The following SGSM3 variants were observed in gnomAD, a reference collection of about 807,000 sequenced individuals.
SGSM3 encodes the protein RUN and SH3 containing 3.
In SGSM3, 96 loss-of-function variants were observed where a neutral mutation model predicts 100.5. The ratio of observed to expected loss-of-function variants is 0.96; its 90% CI spans 0.81 to 1.13. The LOEUF is 1.13. Ranked by LOEUF, SGSM3 falls within the 50% of genes most tolerant of loss-of-function variation. The pLI, the probability that SGSM3 is intolerant of heterozygous loss-of-function variation, is 0.00. For synonymous variants in SGSM3, 483 were observed against 422.8 expected, an observed-to-expected ratio of 1.14 and a Z score of -1.75; for missense variants, 1,001 against 1,015.8, an observed-to-expected ratio of 0.99 and a Z score of 0.20.
In SGSM3 at chr22:40,405,843, T is replaced by G. The variant is rs2051411315; in HGVS notation, c.813T>G (p.Ile271Met). 1.9e-6 allele frequency: 3 copies of G among 1,607,066 alleles called. No individual in the cohort carries two copies. Among genetic ancestry groups the G allele is most frequent in the Non-Finnish European group, 1.7e-6 (2 of 1,175,670 alleles). The change falls in exon 8 of 22, where the codon ATT becomes ATG. Residue 271 changes from isoleucine to methionine, a missense_variant and splice_region_variant. Coordinates refer to ENST00000248929, the MANE Select transcript of SGSM3 (RefSeq NM_015705.6). ...RLDKLLQEHD[I>M]ELSLITLHWF... ...ACAAGCTGCTCCAGGAGCATGACAT[T>G]GGTAAGGCGCCCCTGAGCCACTGGC...
chr22:40,374,585 A>G (rs2046227919), intron 1 of SGSM3, among the ~76,000 whole-genome samples: 3 of 152,224 alleles, frequency 2.0e-5, no homozygotes, highest in Admixed American at 1.3e-4. Flanking sequence ...GTGAGCAATA[A>G]ATATCTGTTG....
chr22:40,405,700 A>G lies in SGSM3; in HGVS notation c.670A>G (p.Met224Val), dbSNP rs769690592. 1.8e-5 allele frequency: 29 copies of G among 1,613,586 alleles called. No homozygotes were observed. The highest frequency in any genetic ancestry group is 2.4e-5 in the Non-Finnish European group (28 of 1,179,894). The change falls in exon 8 of 22, where the codon ATG becomes GTG. Residue 224 changes from methionine (M) to valine (V), a missense_variant. Physicochemically the swap from Met to Val is conservative, Grantham distance 21. Transcript: ENST00000248929. The part of the protein sequence containing the change: ...FLEEEDAFWM[M>V]SAIIEDLLPA... ...GGAGGAGGAGGACGCCTTCTGGATG[A>G]TGTCTGCCATCATCGAGGACCTGCT...
At chr22:40,390,498 TTTG>T (rs2049206763) in intron 1 of SGSM3, 1 of 152,226 alleles carries the variant, frequency 6.6e-6, no homozygotes, top group South Asian at 2.1e-4. Context: ...CATCTGGTAT[TTTG>T]TTCTCAAAAC....
In SGSM3 at chr22:40,404,290, G is replaced by A; in HGVS notation, c.201G>A (p.Leu67=). Residue 67 remains leucine, a synonymous_variant, in exon 5 of 22, where the codon CTG becomes CTA. Coordinates refer to ENST00000248929, the MANE Select transcript of SGSM3 (RefSeq NM_015705.6). ...PGSSLLANSP[L]MEDAPQRLRW... is the part of the protein sequence containing the mutation. ...CCAGTCTGCTGGCGAACTCCCCTCT[G>A]ATGGAGGATGCTCCACAGAGGCTGC... is the stretch of plus-strand genomic sequence containing the variant. 1 of 1,539,990 alleles carries A rather than the reference G, an allele frequency of 6.5e-7. No homozygotes were observed. Among genetic ancestry groups the A allele is most frequent in the Non-Finnish European group, 8.8e-7 (1 of 1,142,128 alleles).
At chr22:40,377,825 G>A (rs2046891723) in intron 1 of SGSM3, among the ~76,000 whole-genome samples, 1 of 145,474 alleles carries the variant, frequency 6.9e-6, no homozygotes, top group South Asian at 2.1e-4. Flanking sequence ...CAGCCTGGGT[G>A]ACAGAGCAAG....
At chr22:40,409,229 C>T in intron 19 of SGSM3, 21 bp from the exon 20 acceptor site, 3 of 1,586,042 alleles carry the variant, frequency 1.9e-6, no homozygotes, top group Non-Finnish European at 1.7e-6. Context: ...CCCTGCTCCC[C>T]ACTCCTGGCC....
chr22:40,378,945 T>C (rs1218518349), intron 1 of SGSM3, among the ~76,000 whole-genome samples: 1 of 152,176 alleles, frequency 6.6e-6, no homozygotes, highest in Admixed American at 6.5e-5. Context: ...CTGCTCTTTG[T>C]TTCGGACCTC....
At chr22:40,408,249 GC>G in intron 15 of SGSM3, 27 bp from the exon 16 acceptor site, 1 of 1,611,528 alleles carries the variant, frequency 6.2e-7, no homozygotes, top group Non-Finnish European at 8.5e-7. Context: ...GTCAGGCAGG[GC>G]TTTCTCAGAC....
Position 40,408,449 on chromosome 22 carries a change from C to T in SGSM3, c.1782+20C>T. 1.9e-6 allele frequency: 3 copies of T among 1,612,936 alleles called. No homozygotes were observed. Among genetic ancestry groups the T allele is most frequent in the South Asian group, 2.2e-5 (2 of 91,040 alleles). Reference sequence around the variant, plus strand: ...GAGGAGGTAAGTCAGTGGCTGGGCCCATGACCCCCACCCTGCACCAGCCCT... The same window carrying T: ...GAGGAGGTAAGTCAGTGGCTGGGCCTATGACCCCCACCCTGCACCAGCCCT... On this transcript the variant is annotated intron_variant, in intron 16 of 21. Coordinates refer to ENST00000248929, the MANE Select transcript of SGSM3 (RefSeq NM_015705.6).
chr22:40,375,274 C>G (rs542933649), intron 1 of SGSM3, among the ~76,000 whole-genome samples: 1 of 152,228 alleles, frequency 6.6e-6, no homozygotes, highest in East Asian at 1.9e-4. Context: ...ACAAGAGTAA[C>G]TGATATCAGA....
chr22:40,389,980 T>C (rs2049137943), intron 1 of SGSM3, among the ~76,000 whole-genome samples: 1 of 150,698 alleles, frequency 6.6e-6, no homozygotes, highest in African/African-American at 2.4e-5. Context: ...CTGTGCTAGA[T>C]TGACTCTTTA....
intron 1 of SGSM3, among the ~76,000 whole-genome samples, chr22:40,392,991 C>G (rs991042256): frequency 6.6e-6 from 1 of 152,232 alleles, no homozygotes; most frequent in South Asian, 2.1e-4. Context: ...AAGGTTCATT[C>G]ATGTTGTAGC....
At chr22:40,371,050 C>T (rs2045344001) in intron 1 of SGSM3, among the ~76,000 whole-genome samples, 1 of 152,254 alleles carries the variant, frequency 6.6e-6, no homozygotes, top group Non-Finnish European at 1.5e-5. Context: ...TAAAAAGAGC[C>T]TGGCTGGCTC....
At position 40,404,634 on chromosome 22, in the gene SGSM3, C is replaced by T. The variant is rs767332060; in HGVS notation, c.444C>T (p.Ser148=). The change falls in exon 6 of 22, where the codon AGC becomes AGT. Residue 148 remains serine, a synonymous_variant. Transcript: ENST00000248929. The part of the protein sequence containing the change: ...ELSYREIVKN[S]SNDETIAAKQ... ...CCTACCGCGAGATTGTGAAGAACAGCTCCAACGATGAGACCATCGCTGCCA... is the reference window on the plus strand; with the variant it reads ...CCTACCGCGAGATTGTGAAGAACAGTTCCAACGATGAGACCATCGCTGCCA... The T allele has an allele frequency of 6.2e-7, 1 of 1,613,144 alleles. No homozygotes were observed. The highest frequency in any genetic ancestry group is 8.5e-7 in the Non-Finnish European group (1 of 1,179,532).
intron 1 of SGSM3, among the ~76,000 whole-genome samples, chr22:40,386,729 T>C (rs1713978548): frequency 1.3e-5 from 2 of 151,998 alleles, no homozygotes; most frequent in African/African-American, 4.8e-5. Flanking sequence ...GCCCCTAGTT[T>C]CTTTTTTCAA....
At position 40,409,995 on chromosome 22, in the gene SGSM3, T is replaced by C; in HGVS notation, c.*236T>C. 7.5e-7 allele frequency: 1 copy of C among 1,325,950 alleles called. No individual in the cohort carries two copies. Among genetic ancestry groups the C allele is most frequent in the Non-Finnish European group, 9.6e-7 (1 of 1,043,542 alleles). 82.1% of individuals were successfully genotyped at this position (1,325,950 alleles called of 1,614,324 possible). On this transcript the variant is annotated 3_prime_UTR_variant, in exon 22 of 22. Coordinates refer to ENST00000248929, the MANE Select transcript of SGSM3 (RefSeq NM_015705.6). ...AAACCACAGTTTGTACCAAAAACCT[T>C]GTGAGGAGGTGGGGGAGCCATGTCT...
chr22:40,409,220 C>T (rs748016072), intron 19 of SGSM3, 30 bp from the exon 20 acceptor site: 1 of 1,577,058 alleles, frequency 6.3e-7, no homozygotes, highest in Non-Finnish European at 8.6e-7. Context: ...TGGAGCTGCC[C>T]CTGCTCCCCA....
rs369380868 is a variant in SGSM3 at position 40,408,849 on chromosome 22, G to A, written c.1902+7G>A. The A allele has an allele frequency of 3.1e-6, 5 of 1,613,778 alleles. No homozygotes were observed. The highest frequency in any genetic ancestry group is 4.2e-6 in the Non-Finnish European group (5 of 1,180,038). On this transcript the variant is annotated splice_region_variant and intron_variant, in intron 18 of 21. Transcript: ENST00000248929. ...GGAGGAGCTGCTCTACCGGGTAAGG[G>A]GGCCTCCTCTGCCAGACCCTAGAGA...
chr22:40,394,404 T>C (rs917302179), intron 1 of SGSM3, among the ~76,000 whole-genome samples: 4 of 152,146 alleles, frequency 2.6e-5, no homozygotes, highest in African/African-American at 7.2e-5. Context: ...TCCCAGCCCT[T>C]TGGGAGGCTG....
Sources: allele counts gnomAD v4.1 joint callset (sites outside exome capture counted in the v4.1 genomes callset), GRCh38; gene constraint gnomAD v4.1.1; transcripts MANE v1.5; gene names NCBI Gene and HGNC (gene_info 2026-07-23, HGNC 2026-07-21).